TMEM230: variants seen among roughly 807,000 people sequenced by gnomAD.
TMEM230 encodes the protein UPF0414 transmembrane protein C20orf30.
A neutral mutation model predicts 15.8 loss-of-function variants in TMEM230; 10 were observed. That is an observed-to-expected ratio of 0.63 (90% CI 0.39 to 1.07). TMEM230 has a LOEUF of 1.07. Among genes scored for constraint, TMEM230 ranks in the 50% least tolerant of loss-of-function variants. The pLI is 0.01. For missense variants in TMEM230, 165 were observed against 193.3 expected (o/e 0.85, Z 0.87); for synonymous variants, 67 against 76.9 (o/e 0.87, Z 0.68).
At chr20:5,076,517 GCT>G (rs2089002263) in intron 3 of TMEM230, among the ~76,000 whole-genome samples, 1 of 152,002 alleles carries the variant, frequency 6.6e-6, no homozygotes, top group African/African-American at 2.4e-5. Context: ...CTCCAGCCTG[GCT>G]GAAAGTGAGA....
downstream of TMEM230, among the ~76,000 whole-genome samples, chr20:5,096,573 C>G (rs1205246201): frequency 6.6e-6 from 1 of 152,208 alleles, no homozygotes; most frequent in Non-Finnish European, 1.5e-5. Flanking sequence ...TTACCATACA[C>G]CAGTGGCAGG....
At chr20:5,086,900 AGTCCCACTCT>A (rs1243649274) in intron 3 of TMEM230, among the ~76,000 whole-genome samples, 1 of 151,864 alleles carries the variant, frequency 6.6e-6, no homozygotes, top group Non-Finnish European at 1.5e-5. Context: ...TTTGACACAG[AGTCCCACTCT>A]GTCCCCCAGG....
intron 3 of TMEM230, among the ~76,000 whole-genome samples, chr20:5,087,116 C>T (rs960021868): frequency 1.6e-4 from 25 of 152,146 alleles, no homozygotes; most frequent in African/African-American, 5.1e-4. Flanking sequence ...GCAAGCAATC[C>T]TCCTGCCTCA....
intron 3 of TMEM230, among the ~76,000 whole-genome samples, chr20:5,089,217 A>C (rs1378218715): frequency 6.6e-6 from 1 of 152,120 alleles, no homozygotes; most frequent in Non-Finnish European, 1.5e-5. Context: ...TACTAAAAAT[A>C]CAAAAAAATT....
rs560184160 is a variant in TMEM230 at position 5,078,402 on chromosome 20, A to T, written c.223-9053T>A. Among the ~76,000 whole-genome samples the T allele has an allele frequency of 5.3e-5, 8 of 152,302 alleles. No homozygotes were observed. In the South Asian group the frequency reaches 1.4e-3, roughly 28 times the overall value. Reference sequence around the variant, plus strand: ...GCACAGATACTCCCAGCAAATGCTAATCATTCATGTTTCTAATTTCCTGGG... The same window carrying T: ...GCACAGATACTCCCAGCAAATGCTATTCATTCATGTTTCTAATTTCCTGGG... On this transcript the variant is annotated intron_variant, in intron 3 of 3. Coordinates refer to the TMEM230 transcript ENST00000612323.
chr20:5,095,218 G>A (rs143662735), downstream of TMEM230, among the ~76,000 whole-genome samples: 1 of 152,148 alleles, frequency 6.6e-6, no homozygotes, highest in Non-Finnish European at 1.5e-5. Context: ...ATGAAAGAAC[G>A]GAGGCATTAG....
At chr20:5,065,327 A>AC (rs1464347308), downstream of TMEM230, among the ~76,000 whole-genome samples, 1 of 152,254 alleles carries the variant, frequency 6.6e-6, no homozygotes, top group African/African-American at 2.4e-5. Flanking sequence ...CAAGGAAGGG[A>AC]CACCAGAGGC....
At chr20:5,076,567 A>G (rs1266033890) in intron 3 of TMEM230, among the ~76,000 whole-genome samples, 1 of 151,874 alleles carries the variant, frequency 6.6e-6, no homozygotes, top group Non-Finnish European at 1.5e-5. Context: ...AAATAAATAA[A>G]TATCGTTGAA....
In TMEM230 at chr20:5,083,453, G is replaced by A. The variant is rs112156774; in HGVS notation, c.223-14104C>T. 3.6e-3 allele frequency among the ~76,000 whole-genome samples: 543 copies of A among 152,082 alleles called. 6 individuals carry two copies. Among genetic ancestry groups the A allele is most frequent in the South Asian group, 0.015 (72 of 4,816 alleles). ...AAATCAGGAATAGCTGTCGAATTTT[G>A]TCTGATGGTTTTTTGGCTTCTATCA... is the stretch of plus-strand genomic sequence containing the variant. On this transcript the variant is annotated intron_variant, in intron 3 of 3. Coordinates refer to the TMEM230 transcript ENST00000612323.
At chr20:5,066,918 G>T (rs2088663642), downstream of TMEM230, among the ~76,000 whole-genome samples, 1 of 151,944 alleles carries the variant, frequency 6.6e-6, no homozygotes, top group South Asian at 2.1e-4. Context: ...CCAAGCCCCT[G>T]TTTAAGCTTT....
At chr20:5,061,684 A>C in the TMEM230 span, among the ~76,000 whole-genome samples, 1 of 152,192 alleles carries the variant, frequency 6.6e-6, no homozygotes, top group East Asian at 1.9e-4. Flanking sequence ...TCTCAGGGGA[A>C]AGCTGAAACA....
chr20:5,080,488 T>C (rs2089148065), intron 3 of TMEM230, among the ~76,000 whole-genome samples: 1 of 152,176 alleles, frequency 6.6e-6, no homozygotes, highest in Admixed American at 6.5e-5. Flanking sequence ...CAGTGCCTAC[T>C]GGCTTAGGGA....
chr20:5,071,634 A>C (rs542239031), intron 3 of TMEM230, among the ~76,000 whole-genome samples: 208 of 13,214 alleles, frequency 0.016, no homozygotes, highest in African/African-American at 0.018. Context: ...AAAAAAAAAA[A>C]AAAACAAAAA....
chr20:5,070,238 T>C (rs1001729553), intron 3 of TMEM230, among the ~76,000 whole-genome samples: 6 of 152,086 alleles, frequency 3.9e-5, no homozygotes, highest in African/African-American at 1.2e-4. Flanking sequence ...CCAGCTGAGT[T>C]CTCAGCAGAC....
chr20:5,085,929 C>T (rs2089322771), intron 3 of TMEM230, among the ~76,000 whole-genome samples: 2 of 152,246 alleles, frequency 1.3e-5, no homozygotes, highest in Admixed American at 6.6e-5. Flanking sequence ...CCATACCTGC[C>T]GTGTCACCTC....
rs538657007 is a variant in TMEM230 at position 5,101,653 on chromosome 20, C to T, written c.412-722G>A. Among the ~76,000 whole-genome samples, 75 of 152,244 alleles carry T rather than the reference C, an allele frequency of 4.9e-4. 1 individual carries two copies. The highest frequency in any genetic ancestry group is 1.8e-3 in the African/African-American group (74 of 41,544). On this transcript the variant is annotated intron_variant, in intron 4 of 4. Coordinates refer to ENST00000342308, the MANE Select transcript of TMEM230 (RefSeq NM_001009923.2). ...ATGTTGCCCAGGCTGGTCTCGAACT[C>T]TGGGGCTCAAGCAATCCTCCTGCCT...
chr20:5,069,225 G>A lies in TMEM230; in HGVS notation c.347C>T (p.Pro116Leu). Residue 116 changes from proline (P) to leucine (L), a missense_variant, in exon 4 of 4, where the codon CCA becomes CTA. By Grantham distance (98) the Pro-to-Leu change is moderately conservative. Coordinates refer to the TMEM230 transcript ENST00000612323. ...TGACACCTGTGTTCCTCTTCCTTCT[G>A]GAAGCCTTGAGCTGAGTCCTCCTTC... is the stretch of plus-strand genomic sequence containing the variant. 3.3e-6 allele frequency: 5 copies of A among 1,535,710 alleles called. No homozygotes were observed. The South Asian group carries it at 4.8e-5, about 15-fold the overall frequency.
chr20:5,085,964 G>A (rs1450332162), intron 3 of TMEM230, among the ~76,000 whole-genome samples: 1 of 152,178 alleles, frequency 6.6e-6, no homozygotes, highest in African/African-American at 2.4e-5. Flanking sequence ...CTCACAGGCT[G>A]CTCCATCAGT....
At chr20:5,099,181 A>T (rs1361828494), downstream of TMEM230, among the ~76,000 whole-genome samples, 2 of 151,526 alleles carry the variant, frequency 1.3e-5, no homozygotes, top group East Asian at 3.9e-4. Context: ...GTAGAGCAAG[A>T]CTCTGTCTCA....
Sources: allele counts gnomAD v4.1 joint callset (sites outside exome capture counted in the v4.1 genomes callset), GRCh38; gene constraint gnomAD v4.1.1; transcripts MANE v1.5; gene names NCBI Gene and HGNC (gene_info 2026-07-23, HGNC 2026-07-21).